Variants in CEP128 observed in about 807,000 individuals in gnomAD.
CEP128 encodes the protein centrosomal protein 128, also known as centrosomal protein 128kDa.
A neutral mutation model predicts 156.7 loss-of-function variants in CEP128; 132 were observed. The ratio of observed to expected loss-of-function variants is 0.84; its 90% confidence interval spans 0.73 to 0.97. The LOEUF is 0.97. Ranked by LOEUF, CEP128 falls within the 50% of genes least tolerant of loss-of-function variation. The probability of loss-of-function intolerance (pLI) is 0.00; values close to 1 mark genes in which losing one functional copy is unlikely to be tolerated. For synonymous variants in CEP128, 469 were observed against 448.9 expected (o/e 1.04, Z -0.57); for missense variants, 1,252 against 1,281.9 (o/e 0.98, Z 0.36).
In CEP128 at chr14:80,627,355, A is replaced by T. The variant is rs75321779; in HGVS notation, c.2807-46932T>A. Among the ~76,000 whole-genome samples, 366 of 152,356 alleles carry T rather than the reference A, an allele frequency of 2.4e-3. 2 individuals are homozygous for T. Among genetic ancestry groups the T allele is most frequent in the Non-Finnish European group, 4.2e-3 (287 of 68,022 alleles). ...TTAAGAATGTAAGTGAAAATAAAGA[A>T]ATGTAAGAACCTTGTTGAAAGACTC... On this transcript the variant is annotated intron_variant, in intron 19 of 24. Transcript: ENST00000555265.
At chr14:80,606,083 C>T (rs567698470) in intron 19 of CEP128, among the ~76,000 whole-genome samples, 17 of 151,874 alleles carry the variant, frequency 1.1e-4, no homozygotes, top group East Asian at 3.9e-4. Context: ...GATAATCTCA[C>T]GGGTCATTGC....
intron 14 of CEP128, among the ~76,000 whole-genome samples, chr14:80,791,458 A>G (rs113199893): frequency 5.3e-5 from 8 of 152,344 alleles, no homozygotes; most frequent in African/African-American, 1.7e-4. Flanking sequence ...GTATGATAAC[A>G]TGGACCCTTC....
chr14:80,774,755 C>A (rs541840885), intron 16 of CEP128, among the ~76,000 whole-genome samples: 1 of 151,984 alleles, frequency 6.6e-6, no homozygotes, highest in African/African-American at 2.4e-5. Context: ...AGGTGTAATT[C>A]GTCTCCTCAA....
intron 21 of CEP128, among the ~76,000 whole-genome samples, chr14:80,554,938 G>A (rs1237888075): frequency 3.3e-5 from 5 of 151,764 alleles, no homozygotes; most frequent in Admixed American, 1.3e-4. Flanking sequence ...AGAGCCACCA[G>A]AAAAAAATCC....
At chr14:80,779,249 T>C (rs1390655075) in intron 15 of CEP128, among the ~76,000 whole-genome samples, 1 of 152,134 alleles carries the variant, frequency 6.6e-6, no homozygotes, top group Non-Finnish European at 1.5e-5. Flanking sequence ...TTTAATTAGG[T>C]ATATAGGAAC....
intron 8 of CEP128, among the ~76,000 whole-genome samples, chr14:80,892,079 G>A (rs74894132): frequency 6.6e-6 from 1 of 151,076 alleles, no homozygotes; most frequent in Non-Finnish European, 1.5e-5. Context: ...CCTAAAATTT[G>A]TATGGAAACA....
intron 19 of CEP128, among the ~76,000 whole-genome samples, chr14:80,586,300 T>C (rs2140466983): frequency 6.6e-6 from 1 of 152,324 alleles, no homozygotes; most frequent in South Asian, 2.1e-4. Flanking sequence ...GGTGGCATGG[T>C]GAAGCTGCAA....
intron 16 of CEP128, among the ~76,000 whole-genome samples, chr14:80,773,984 A>T (rs1900651933): frequency 6.6e-6 from 1 of 152,234 alleles, no homozygotes; most frequent in African/African-American, 2.4e-5. Context: ...TGTGGGTTGC[A>T]TAACACTCGT....
chr14:80,583,842 T>C (rs1435903965), intron 19 of CEP128, among the ~76,000 whole-genome samples: 1 of 152,214 alleles, frequency 6.6e-6, no homozygotes, highest in East Asian at 1.9e-4. Context: ...CCTTCTTATC[T>C]CTATTCAGAA....
At chr14:80,754,589 A>G (rs71416846) in intron 18 of CEP128, among the ~76,000 whole-genome samples, 4,083 of 147,222 alleles carry the variant, frequency 0.028, 63 homozygotes, top group Middle Eastern at 0.035. Flanking sequence ...CAGCCTCCCG[A>G]GTAGCTGGGA....
At position 80,922,191 on chromosome 14, in the gene CEP128, C is replaced by A. The variant is rs978018494; in HGVS notation, c.-15-5629G>T. Among the ~76,000 whole-genome samples the A allele has an allele frequency of 1.2e-4, 18 of 152,260 alleles. No homozygotes were observed. The East Asian group carries it at 2.7e-3, about 23-fold the overall frequency. ...ATAAAAGCTCTATATTCAGAACTTC[C>A]ATTTTCTTGGTAACTGTGTCCTTTT... On this transcript the variant is annotated intron_variant, in intron 2 of 24. Coordinates refer to ENST00000555265, the MANE Select transcript of CEP128 (RefSeq NM_152446.5).
intron 19 of CEP128, among the ~76,000 whole-genome samples, chr14:80,659,915 G>A (rs1304384958): frequency 2.0e-5 from 3 of 152,100 alleles, no homozygotes; most frequent in African/African-American, 7.2e-5. Flanking sequence ...CAGGGGGTTT[G>A]GGAGGTCTTT....
chr14:80,785,667 AT>A (rs1901371142), intron 14 of CEP128, 122 bp from the exon 15 acceptor site: 1 of 700,396 alleles, frequency 1.4e-6, no homozygotes, highest in African/African-American at 1.8e-5. Flanking sequence ...TCATCAAATA[AT>A]TTTTGTATTT....
At chr14:80,917,941 G>C (rs1360328521) in intron 2 of CEP128, among the ~76,000 whole-genome samples, 3 of 152,066 alleles carry the variant, frequency 2.0e-5, no homozygotes, top group Non-Finnish European at 2.9e-5. Flanking sequence ...CAATGAAATA[G>C]CCAACTTCTT....
intron 12 of CEP128, among the ~76,000 whole-genome samples, chr14:80,832,803 T>C (rs1257500682): frequency 1.3e-5 from 2 of 152,202 alleles, no homozygotes; most frequent in East Asian, 1.9e-4. Flanking sequence ...ACATCTCATA[T>C]GTTACAAGGG....
intron 16 of CEP128, among the ~76,000 whole-genome samples, chr14:80,774,334 T>G (rs963001984): frequency 2.6e-5 from 4 of 152,078 alleles, no homozygotes; most frequent in Non-Finnish European, 5.9e-5. Context: ...ACATCACACA[T>G]TGATGTTGAG....
chr14:80,692,384 T>C (rs1248484429), intron 19 of CEP128, among the ~76,000 whole-genome samples: 1 of 152,198 alleles, frequency 6.6e-6, no homozygotes, highest in Non-Finnish European at 1.5e-5. Flanking sequence ...GTTCAATTAT[T>C]GAATGGAATG....
At chr14:80,598,817 A>G (rs1319234957) in intron 19 of CEP128, among the ~76,000 whole-genome samples, 1 of 152,200 alleles carries the variant, frequency 6.6e-6, no homozygotes, top group Non-Finnish European at 1.5e-5. Context: ...ACAGAATAGA[A>G]AATCCAAATT....
chr14:80,813,104 C>T (rs1884654951), intron 13 of CEP128, among the ~76,000 whole-genome samples: 1 of 152,088 alleles, frequency 6.6e-6, no homozygotes, highest in Non-Finnish European at 1.5e-5. Flanking sequence ...GTTTCTTACA[C>T]AATCTGGATA....
Sources: gnomAD v4.1 joint callset for allele counts (sites outside exome capture counted in the v4.1 genomes callset) on GRCh38, gnomAD v4.1.1 for gene constraint, MANE v1.5 for transcripts, NCBI Gene and HGNC (gene_info 2026-07-23, HGNC 2026-07-21) for gene names.